Variants in TAF5L observed in about 807,000 individuals in gnomAD.
TAF5L encodes the protein TAF5-like RNA polymerase II p300/CBP-associated factor-associated factor 65 kDa subunit 5L.
Under a neutral mutation model 51.3 loss-of-function variants are expected in TAF5L, and 7 were observed. The ratio of observed to expected loss-of-function variants is 0.14; its 90% CI spans 0.08 to 0.26. TAF5L has a LOEUF of 0.26. Among genes scored for constraint, TAF5L ranks in the 10% least tolerant of loss-of-function variants. TAF5L has a pLI of 1.00. For missense variants in TAF5L, 575 were observed against 758.9 expected (o/e 0.76, Z 2.85); for synonymous variants, 291 against 308.1 (o/e 0.94, Z 0.58).
At chr1:229,623,625 T>C (rs1313526968) in intron 1 of TAF5L, among the ~76,000 whole-genome samples, 1 of 152,236 alleles carries the variant, frequency 6.6e-6, no homozygotes, top group Non-Finnish European at 1.5e-5. Context: ...GAACTTACCC[T>C]ATTCTTGTCT....
chr1:229,593,283 A>T (rs115986884), exon 5 of TAF5L: 1 of 152,204 alleles, frequency 6.6e-6, no homozygotes, highest in African/African-American at 2.4e-5. Context: ...AGTGTTCATT[A>T]GACTGGTATT....
chr1:229,623,449 C>T (rs1260615052), intron 1 of TAF5L, among the ~76,000 whole-genome samples: 1 of 152,184 alleles, frequency 6.6e-6, no homozygotes, highest in Non-Finnish European at 1.5e-5. Context: ...CACCTTCTCC[C>T]CTCAGGGGCC....
At chr1:229,593,258 C>G (rs749600917) in exon 5 of TAF5L, 1 of 152,138 alleles carries the variant, frequency 6.6e-6, no homozygotes, top group Non-Finnish European at 1.5e-5. Flanking sequence ...TACATACTTA[C>G]GATTTGTTTC....
At chr1:229,619,088 A>G (rs1217103342) in intron 1 of TAF5L, among the ~76,000 whole-genome samples, 1 of 152,162 alleles carries the variant, frequency 6.6e-6, no homozygotes, top group Non-Finnish European at 1.5e-5. Flanking sequence ...ATTTTTTTGT[A>G]AAGTGTCTAC....
At chr1:229,610,819 T>C (rs1664760366) in intron 2 of TAF5L, among the ~76,000 whole-genome samples, 1 of 152,324 alleles carries the variant, frequency 6.6e-6, no homozygotes, top group Non-Finnish European at 1.5e-5. Flanking sequence ...TAATACCTAA[T>C]GAGTTTTTAT....
At chr1:229,623,276 A>AAAAAC (rs957913467) in intron 1 of TAF5L, among the ~76,000 whole-genome samples, 15 of 152,372 alleles carry the variant, frequency 9.8e-5, no homozygotes, top group East Asian at 9.6e-4. Flanking sequence ...CTCCGTCTCC[A>AAAAAC]AAAACAAAAC....
At chr1:229,618,359 A>C (rs982520175) in intron 1 of TAF5L, among the ~76,000 whole-genome samples, 3 of 152,214 alleles carry the variant, frequency 2.0e-5, no homozygotes, top group African/African-American at 7.2e-5. Context: ...GATGTCAAAT[A>C]CTCTGCTCTT....
At chr1:229,609,001 CA>C (rs562287056) in intron 3 of TAF5L, among the ~76,000 whole-genome samples, 2 of 151,680 alleles carry the variant, frequency 1.3e-5, no homozygotes, top group African/African-American at 2.4e-5. Context: ...AATACCGTCT[CA>C]AAAAAAAGAA....
chr1:229,614,324 C>T lies in TAF5L; in HGVS notation c.142+17G>A, dbSNP rs551051356. 2.4e-5 allele frequency: 39 copies of T among 1,614,232 alleles called. No individual in the cohort carries two copies. Among genetic ancestry groups the T allele is most frequent in the Middle Eastern group, 1.6e-4 (1 of 6,062 alleles). ...CCTGCTCCAGGCTCACCCCACCAGA[C>T]GAGCCCCCACCATTACCTGTTAGAT... On this transcript the variant is annotated intron_variant, in intron 2 of 4. Coordinates refer to ENST00000258281, the Ensembl canonical transcript of TAF5L.
In TAF5L at chr1:229,606,153, A is replaced by C. The variant is rs1664589461; in HGVS notation, c.248-3234T>G. ...CTGTTGCTTCAGCTCATAGGTTCAA[A>C]ATTGCTTAATTGCTCTCTCTTGTCT... is the stretch of plus-strand genomic sequence containing the variant. On this transcript the variant is annotated intron_variant, in intron 3 of 4. Transcript: ENST00000258281. 3 of 985,420 alleles carry C rather than the reference A, an allele frequency of 3.0e-6. No individual in the cohort carries two copies. The African/African-American group carries it at 5.2e-5, about 17-fold the overall frequency. The allele number at this position is 985,420 out of a possible 1,614,324, so 61.0% of individuals were successfully genotyped here.
At chr1:229,599,756 G>A (rs1664294321) in intron 4 of TAF5L, 1 of 919,924 alleles carries the variant, frequency 1.1e-6, no homozygotes. Flanking sequence ...ATGTACAAGT[G>A]CCTGTGTGCA....
chr1:229,600,340 G>GTTA, intron 4 of TAF5L: 1 of 985,340 alleles, frequency 1.0e-6, no homozygotes, highest in Non-Finnish European at 1.2e-6. Flanking sequence ...CTTAAAAAGG[G>GTTA]CAGAGGTTAG....
In TAF5L at chr1:229,602,274, C is replaced by T. The variant is rs762759524; in HGVS notation, c.893G>A (p.Arg298Gln). Residue 298 changes from arginine (R) to glutamine (Q), a missense_variant, in exon 4 of 5, where the codon CGA (arginine) becomes CAA (glutamine). Around this residue, in one of 3 missense-constraint regions of TAF5L, gnomAD observed 380 missense variants for 443.7 expected, o/e 0.86. Transcript: ENST00000258281. This position sits in a 1 kb window ranked among gnomAD's most constrained non-coding sequence, Gnocchi z 4.6. The stretch of plus-strand genomic sequence containing the variant: ...GGGCTCTGATTTTAACTTCTTGGAT[C>T]GTAAACTCCAAAGTTTTATACAGGA... 5.7e-5 allele frequency: 92 copies of T among 1,613,980 alleles called. No homozygotes were observed. The highest frequency in any genetic ancestry group is 1.6e-4 in the Middle Eastern group (1 of 6,084).
intron 4 of TAF5L, among the ~76,000 whole-genome samples, chr1:229,597,727 T>C (rs758867958): frequency 1.3e-5 from 2 of 152,162 alleles, no homozygotes; most frequent in Non-Finnish European, 2.9e-5. Flanking sequence ...TAATAATAAA[T>C]CTTATTATAT....
intron 3 of TAF5L, chr1:229,606,813 A>AC: frequency 1.0e-6 from 1 of 985,262 alleles, no homozygotes; most frequent in African/African-American, 1.7e-5. Flanking sequence ...TTCCCACTAC[A>AC]CCTCCTGAAG....
chr1:229,623,593 A>G (rs989466431), intron 1 of TAF5L, among the ~76,000 whole-genome samples: 7 of 152,118 alleles, frequency 4.6e-5, no homozygotes, highest in Non-Finnish European at 8.8e-5. Flanking sequence ...CCACACACGA[A>G]CCCAGGAACA....
chr1:229,622,065 CTATA>C (rs915939017), intron 1 of TAF5L, among the ~76,000 whole-genome samples: 32 of 125,014 alleles, frequency 2.6e-4, no homozygotes, highest in East Asian at 1.2e-3. Flanking sequence ...ATCTATCTAT[CTATA>C]CAGATAGATA....
chr1:229,623,978 G>A (rs955321783), intron 1 of TAF5L, among the ~76,000 whole-genome samples: 1 of 152,190 alleles, frequency 6.6e-6, no homozygotes, highest in Non-Finnish European at 1.5e-5. Context: ...CTTACTACCT[G>A]AGAAGCCACC....
Position 229,614,724 on chromosome 1 carries a change from C to T in TAF5L, c.-3-239G>A, listed in dbSNP as rs1257044415. ...CAATTACAGAAAATAGGAAAAGCATCGATAATAAAGTCCTTAGATCACCCC... is the reference window on the plus strand; with the variant it reads ...CAATTACAGAAAATAGGAAAAGCATTGATAATAAAGTCCTTAGATCACCCC... On this transcript the variant is annotated intron_variant, in intron 1 of 4. Transcript: ENST00000258281. Among the ~76,000 whole-genome samples the T allele has an allele frequency of 2.6e-5, 4 of 152,146 alleles. No individual in the cohort carries two copies. The East Asian group carries it at 7.7e-4, about 29-fold the overall frequency.
Sources: allele counts gnomAD v4.1 joint callset (sites outside exome capture counted in the v4.1 genomes callset), GRCh38; gene constraint gnomAD v4.1.1; regional missense constraint gnomAD v4.1.1; non-coding constraint Gnocchi (gnomAD v3.1); transcripts MANE v1.5; gene names NCBI Gene and HGNC (gene_info 2026-07-23, HGNC 2026-07-21).